Variants in ADCY9 observed in about 807,000 individuals in gnomAD.
The protein encoded by ADCY9 is adenylate cyclase 9.
ADCY9 carries 50 observed loss-of-function variants against 101.5 expected under a neutral mutation model. The observed-to-expected ratio is 0.49, with a 90% CI of 0.39 to 0.62. The LOEUF is 0.62. Among genes scored for constraint, ADCY9 ranks in the 20% least tolerant of loss-of-function variants. The pLI is 0.00. For missense variants in ADCY9, 1,662 were observed against 1,800.4 expected (o/e 0.92, Z 1.39); for synonymous variants, 905 against 769.3 (o/e 1.18, Z -2.92).
chr16:4,020,840 A>T (rs993465606), intron 2 of ADCY9, among the ~76,000 whole-genome samples: 1 of 145,200 alleles, frequency 6.9e-6, no homozygotes, highest in Admixed American at 6.9e-5. Context: ...AAAAAAAAAG[A>T]AAGTGGAATA....
chr16:3,969,645 GTC>G (rs2056034324), intron 10 of ADCY9, among the ~76,000 whole-genome samples: 1 of 124,308 alleles, frequency 8.0e-6, no homozygotes, highest in African/African-American at 3.0e-5. Context: ...GACAGGGTCT[GTC>G]TCTGTCATCC....
rs1413392573 is a variant in ADCY9, at chr16:3,966,076, T to C, written c.3761A>G (p.His1254Arg). 6.2e-7 allele frequency: 1 copy of C among 1,614,216 alleles called. No homozygotes were observed. The highest frequency in any genetic ancestry group is 8.5e-7 in the Non-Finnish European group (1 of 1,180,018). ...KCTDHRVIPQ[H>R]QLSISPDIRV... ...GATGTCTGGGGAGATGGACAGCTGG[T>C]GCTGTGGGATGACCCTGTGATCCGT... Residue 1254 changes from histidine to arginine, a missense_variant, in exon 11 of 11, where the codon CAC becomes CGC. His to Arg is a conservative substitution (Grantham distance 29). Coordinates refer to ENST00000294016, the MANE Select transcript of ADCY9 (RefSeq NM_001116.4).
rs1192152087 is a variant in ADCY9 at position 4,115,683 on chromosome 16, GA to G, written c.-44+6del. The stretch of plus-strand genomic sequence containing the variant: ...TTCGAGGCGCACGAGAACCGCTCGG[GA>G]CGGACCTAGAACGCCCGGGGGTCCC... On this transcript the variant is annotated splice_donor_region_variant and intron_variant, in intron 1 of 10. Coordinates refer to ENST00000294016, the MANE Select transcript of ADCY9 (RefSeq NM_001116.4). This position sits in a 1 kb window ranked among gnomAD's most constrained non-coding sequence, Gnocchi z 6.2. 1 of 528,460 alleles carries G rather than the reference GA, an allele frequency of 1.9e-6. No individual in the cohort carries two copies. The highest frequency in any genetic ancestry group is 1.9e-5 in the African/African-American group (1 of 52,518). 32.7% of individuals were successfully genotyped at this position (528,460 alleles called of 1,614,324 possible).
intron 3 of ADCY9, among the ~76,000 whole-genome samples, chr16:4,001,248 C>T (rs1018949109): frequency 2.0e-5 from 3 of 152,132 alleles, no homozygotes; most frequent in Non-Finnish European, 4.4e-5. Context: ...GCCCTCATGC[C>T]CCCTGCTCAC....
At chr16:3,962,039 T>A (rs77027997), downstream of ADCY9, among the ~76,000 whole-genome samples, 2 of 149,688 alleles carry the variant, frequency 1.3e-5, no homozygotes, top group Non-Finnish European at 1.5e-5. Context: ...AAATAAAAAT[T>A]AAAAAAAAAA....
chr16:3,981,656 G>T (rs143307334), intron 7 of ADCY9: 1 of 152,000 alleles, frequency 6.6e-6, no homozygotes, highest in Non-Finnish European at 1.5e-5. Context: ...GCAATGGTGC[G>T]ATCTCAGCTC....
chr16:3,998,753 G>GAAAAA (rs1442132532), intron 3 of ADCY9, among the ~76,000 whole-genome samples: 1 of 3,574 alleles, frequency 2.8e-4, no homozygotes, highest in Admixed American at 2.4e-3. Context: ...AAGAAAGAAA[G>GAAAAA]AAAAGAAAAG....
intron 2 of ADCY9, among the ~76,000 whole-genome samples, chr16:4,053,510 T>C (rs1196979473): frequency 6.6e-6 from 1 of 152,198 alleles, no homozygotes; most frequent in East Asian, 1.9e-4. Context: ...CCGCCGTCTA[T>C]TTATAACAGT....
chr16:3,993,239 C>T (rs968611096), intron 4 of ADCY9, 167 bp downstream of exon 4: 14 of 1,276,734 alleles, frequency 1.1e-5, no homozygotes, highest in East Asian at 7.7e-5. Flanking sequence ...GACCCTCCCT[C>T]GAGCTCCCTG....
intron 9 of ADCY9, among the ~76,000 whole-genome samples, chr16:3,975,348 A>G (rs1328622054): frequency 6.6e-6 from 1 of 152,134 alleles, no homozygotes; most frequent in East Asian, 1.9e-4. Flanking sequence ...CCTATTTTAA[A>G]TTCCCTTTTT....
At chr16:4,044,522 T>A (rs1029440174) in intron 2 of ADCY9, among the ~76,000 whole-genome samples, 1 of 152,208 alleles carries the variant, frequency 6.6e-6, no homozygotes, top group African/African-American at 2.4e-5. Context: ...TTTGGAGATC[T>A]GGATTTCTCC....
In ADCY9 at chr16:4,116,029, C is replaced by T. The variant is rs2057150185; in HGVS notation, c.-383G>A. 6.8e-6 allele frequency: 1 copy of T among 147,592 alleles called. No individual in the cohort carries two copies. Among genetic ancestry groups the T allele is most frequent in the African/African-American group, 2.4e-5 (1 of 40,842 alleles). The allele number at this position is 147,592 out of a possible 1,614,324, so 9.1% of individuals were successfully genotyped here. On this transcript the variant is annotated 5_prime_UTR_variant, in exon 1 of 11. Transcript: ENST00000294016. ...TCGGCGGGCGCCCCCGGCTCGCGCT[C>T]CCCGGCCGCCCCCCGCGCTCCGGGC...
Position 4,032,511 on chromosome 16 carries a change from ATT to A in ADCY9, c.1694-24955_1694-24954del, listed in dbSNP as rs35449509. Among the ~76,000 whole-genome samples, 940 of 140,538 alleles carry A rather than the reference ATT, an allele frequency of 6.7e-3. 12 individuals carry two copies. The highest frequency in any genetic ancestry group is 0.023 in the African/African-American group (898 of 38,234). The allele number at this position is 140,538 out of a possible 152,430, so 92.2% of individuals were successfully genotyped here. A position where few individuals can be genotyped will look rare whatever the true frequency, so the allele number is the denominator to read the frequency against. ...CGTGGTCTTCCATCTATATCACACA[ATT>A]TTTTTTTTTTTTTGAGATGGAGTTT... is the stretch of plus-strand genomic sequence containing the variant. On this transcript the variant is annotated intron_variant, in intron 2 of 10. Transcript: ENST00000294016.
Position 3,983,384 on chromosome 16 carries a change from C to T in ADCY9, c.2367G>A (p.Leu789=). ...ACACTGTGGTCGACAGAAACACATC[C>T]AGGAGGGAGCTGAAGGTGGGACTAG... ...TFASPTFSSL[L]DVFLSTTVFL... is the part of the protein sequence containing the mutation. The change falls in exon 7 of 11, where the codon CTG becomes CTA. Residue 789 remains leucine (L), a synonymous_variant. Coordinates refer to ENST00000294016, the MANE Select transcript of ADCY9 (RefSeq NM_001116.4). The T allele has an allele frequency of 6.2e-7, 1 of 1,608,184 alleles. No individual in the cohort carries two copies. Among genetic ancestry groups the T allele is most frequent in the Non-Finnish European group, 8.5e-7 (1 of 1,176,968 alleles).
intron 2 of ADCY9, among the ~76,000 whole-genome samples, chr16:4,082,323 G>A (rs1273429290): frequency 2.0e-5 from 3 of 152,126 alleles, no homozygotes; most frequent in East Asian, 3.8e-4. Context: ...AGGCTACAGT[G>A]AGCCACTATT....
rs768979927 is a variant in ADCY9 at position 3,965,953 on chromosome 16, G to C, written c.3884C>G (p.Ser1295Cys). The C allele has an allele frequency of 6.2e-7, 1 of 1,614,182 alleles. No homozygotes were observed. Among genetic ancestry groups the C allele is most frequent in the Non-Finnish European group, 8.5e-7 (1 of 1,180,042 alleles). The change falls in exon 11 of 11, where the codon TCT becomes TGT. Residue 1295 changes from serine to cysteine, a missense_variant. This residue lies in a region of ADCY9 where 168 missense variants were observed against 155.3 expected (regional missense o/e 1.08). Coordinates refer to ENST00000294016, the MANE Select transcript of ADCY9 (RefSeq NM_001116.4). ...VQYVDKTSLG[S>C]DSSTQAKDAH... The stretch of plus-strand genomic sequence containing the variant: ...ATCCTTGGCCTGCGTGCTGCTGTCA[G>C]AACCCAGAGATGTCTTGTCCACATA...
Position 4,032,562 on chromosome 16 carries a change from T to A in ADCY9, c.1694-25004A>T, listed in dbSNP as rs188524116. 2.7e-5 allele frequency among the ~76,000 whole-genome samples: 4 copies of A among 150,100 alleles called. No individual in the cohort carries two copies. In the Admixed American group the frequency reaches 2.7e-4, roughly 10 times the overall value. ...TTTGCTCTTGTTGCCCAGGCTGGAG[T>A]GCAATGGTGAGATCTCGGCTCACTG... On this transcript the variant is annotated intron_variant, in intron 2 of 10. Coordinates refer to ENST00000294016, the MANE Select transcript of ADCY9 (RefSeq NM_001116.4).
intron 2 of ADCY9, among the ~76,000 whole-genome samples, chr16:4,038,882 C>T (rs1186525652): frequency 1.3e-5 from 2 of 152,096 alleles, no homozygotes; most frequent in African/African-American, 4.8e-5. Context: ...AAAGAGCTTC[C>T]AAACCATTCT....
chr16:3,980,528 ACAGC>A (rs2056132363), intron 7 of ADCY9, among the ~76,000 whole-genome samples: 2 of 152,118 alleles, frequency 1.3e-5, no homozygotes, highest in African/African-American at 4.8e-5. Flanking sequence ...TTGTGACTGA[ACAGC>A]AAAAAAGCCT....
Sources: allele counts gnomAD v4.1 joint callset (sites outside exome capture counted in the v4.1 genomes callset), GRCh38; gene constraint gnomAD v4.1.1; regional missense constraint gnomAD v4.1.1; non-coding constraint Gnocchi (gnomAD v3.1); transcripts MANE v1.5; gene names NCBI Gene and HGNC (gene_info 2026-07-23, HGNC 2026-07-21).